Variants in IL16 observed in about 807,000 individuals in gnomAD.
IL16 encodes pro-interleukin-16.
IL16 carries 67 observed loss-of-function variants against 110.1 expected under a neutral mutation model. The observed-to-expected ratio is 0.61, with a 90% CI of 0.50 to 0.75. The LOEUF (loss-of-function observed/expected upper bound fraction) is 0.75. Among genes scored for constraint, IL16 ranks in the 30% least tolerant of loss-of-function variants. The pLI is 0.00. For missense variants in IL16, 1,545 were observed against 1,655.0 expected, an observed-to-expected ratio of 0.93 and a Z score of 1.15; for synonymous variants, 689 against 662.9, an observed-to-expected ratio of 1.04 and a Z score of -0.61.
chr15:81,215,212 G>C (rs1047832357), intron 1 of IL16, among the ~76,000 whole-genome samples: 4 of 152,204 alleles, frequency 2.6e-5, no homozygotes, highest in African/African-American at 9.6e-5. Flanking sequence ...TAAATTGCCA[G>C]AGTTGTAACT....
At chr15:81,306,224 G>T (rs1640134137) in intron 17 of IL16, 58 bp downstream of exon 17, 2 of 1,580,462 alleles carry the variant, frequency 1.3e-6, no homozygotes, top group Non-Finnish European at 8.6e-7. Flanking sequence ...GGCCATTTGG[G>T]GCCAGACCTG....
In IL16 at chr15:81,203,803, G is replaced by A. The variant is rs1369935878; in HGVS notation, c.-102+6651G>A. On this transcript the variant is annotated intron_variant, in intron 1 of 18. Transcript: ENST00000683961. ...TGGCTTAGGATTGACTTGGCAATGC[G>A]GGCTCTTTTTTGGTTCCATATGAAC... is the stretch of plus-strand genomic sequence containing the variant. Among the ~76,000 whole-genome samples the A allele has an allele frequency of 3.9e-5, 6 of 152,186 alleles. No homozygotes were observed. The East Asian group carries it at 7.7e-4, about 20-fold the overall frequency.
intron 1 of IL16, among the ~76,000 whole-genome samples, chr15:81,211,045 T>G (rs975909309): frequency 6.6e-6 from 1 of 151,912 alleles, no homozygotes; most frequent in Non-Finnish European, 1.5e-5. Context: ...AGAGATTTTT[T>G]GGGTTTTTTG....
chr15:81,227,041 C>T (rs1430360938), intron 2 of IL16, among the ~76,000 whole-genome samples: 1 of 151,958 alleles, frequency 6.6e-6, no homozygotes, highest in African/African-American at 2.4e-5. Flanking sequence ...GTCTTTGCCC[C>T]GAAATAACTC....
chr15:81,308,547 G>A, intron 18 of IL16, 58 bp from the exon 19 acceptor site: 1 of 1,334,302 alleles, frequency 7.5e-7, no homozygotes, highest in East Asian at 2.4e-5. Context: ...AAGGAGAGGA[G>A]GCAACTTTCC....
chr15:81,212,251 T>C (rs1896275724), intron 1 of IL16, among the ~76,000 whole-genome samples: 1 of 152,126 alleles, frequency 6.6e-6, no homozygotes, highest in Admixed American at 6.5e-5. Context: ...TCCAGGAATT[T>C]ATCTATTTCC....
At chr15:81,263,516 G>T (rs1442521770) in intron 3 of IL16, among the ~76,000 whole-genome samples, 3 of 152,070 alleles carry the variant, frequency 2.0e-5, no homozygotes, top group Non-Finnish European at 4.4e-5. Context: ...TGAAACAGTG[G>T]GCCGAAGTGG....
chr15:81,298,427 G>C (rs1331629242), intron 13 of IL16, among the ~76,000 whole-genome samples: 3 of 152,172 alleles, frequency 2.0e-5, no homozygotes, highest in African/African-American at 7.2e-5. Context: ...ATGCAGATAT[G>C]ATGCTGGTTC....
chr15:81,194,332 A>G (rs1238454319), upstream of IL16, among the ~76,000 whole-genome samples: 1 of 152,196 alleles, frequency 6.6e-6, no homozygotes, highest in African/African-American at 2.4e-5. Context: ...TTAAGGACAC[A>G]CTTTCTTTTT....
intron 1 of IL16, among the ~76,000 whole-genome samples, chr15:81,185,967 C>T (rs1895413143): frequency 6.6e-6 from 1 of 152,228 alleles, no homozygotes. Context: ...GTTTTTCTTG[C>T]AGCATCTTAA....
intron 2 of IL16, among the ~76,000 whole-genome samples, chr15:81,228,098 C>A (rs761830534): frequency 6.6e-6 from 1 of 152,070 alleles, no homozygotes; most frequent in Non-Finnish European, 1.5e-5. Context: ...AAGGGACATG[C>A]GTCTGCAAAG....
At chr15:81,285,501 A>G (rs1359813810) in intron 9 of IL16, among the ~76,000 whole-genome samples, 197 bp from the exon 10 acceptor site, 1 of 152,186 alleles carries the variant, frequency 6.6e-6, no homozygotes, top group Non-Finnish European at 1.5e-5. Flanking sequence ...TTGTGGTTGT[A>G]CGGTAAGGGG....
chr15:81,256,429 G>A (rs191348578), intron 2 of IL16, among the ~76,000 whole-genome samples: 8 of 151,102 alleles, frequency 5.3e-5, no homozygotes, highest in African/African-American at 2.0e-4. Context: ...TGCCTCCCAG[G>A]TTTATGTGAT....
intron 3 of IL16, among the ~76,000 whole-genome samples, chr15:81,261,293 G>A (rs192048004): frequency 2.5e-4 from 38 of 152,350 alleles, no homozygotes; most frequent in African/African-American, 8.9e-4. Context: ...TGACTGTGCA[G>A]GCCACGTGCC....
At position 81,225,158 on chromosome 15, in the gene IL16, C is replaced by T. The variant is rs187963863; in HGVS notation, c.-101-141C>T. 2.4e-4 allele frequency: 153 copies of T among 640,832 alleles called. No homozygotes were observed. In the African/African-American group the frequency reaches 2.5e-3, roughly 10 times the overall value. 39.7% of individuals were successfully genotyped at this position (640,832 alleles called of 1,614,324 possible). A position where few individuals can be genotyped will look rare whatever the true frequency, so the allele number is the denominator to read the frequency against. ...CCATTTGGCTGGCACACTGGAAGGGCCAGTGATCTTAAAGGATGATCTGCC... is the reference window on the plus strand; with the variant it reads ...CCATTTGGCTGGCACACTGGAAGGGTCAGTGATCTTAAAGGATGATCTGCC... On this transcript the variant is annotated intron_variant, in intron 1 of 18. Coordinates refer to ENST00000683961, the MANE Select transcript of IL16 (RefSeq NM_172217.5).
chr15:81,293,122 A>T (rs1899820220), intron 12 of IL16, 85 bp downstream of exon 12: 3 of 1,423,994 alleles, frequency 2.1e-6, no homozygotes, highest in Non-Finnish European at 2.8e-6. Context: ...TAGTGTTAGC[A>T]GGGCCAGAAT....
chr15:81,206,227 G>T (rs1456953547), intron 1 of IL16, among the ~76,000 whole-genome samples: 1 of 148,024 alleles, frequency 6.8e-6, no homozygotes, highest in Non-Finnish European at 1.5e-5. Flanking sequence ...GTTACATAGG[G>T]TACTTAAACA....
chr15:81,306,377 G>A (rs1900559284), intron 17 of IL16, 43 bp from the exon 18 acceptor site: 1 of 1,608,236 alleles, frequency 6.2e-7, no homozygotes, highest in South Asian at 1.1e-5. Flanking sequence ...CTGTGGCCTG[G>A]GAGAGGAGAG....
intron 13 of IL16, among the ~76,000 whole-genome samples, chr15:81,297,784 C>T (rs1900063304): frequency 6.6e-6 from 1 of 152,054 alleles, no homozygotes; most frequent in South Asian, 2.1e-4. Flanking sequence ...GTGCTAGATG[C>T]TGGGGGGAGA....
Sources: gnomAD v4.1 joint callset for allele counts (sites outside exome capture counted in the v4.1 genomes callset) on GRCh38, gnomAD v4.1.1 for gene constraint, MANE v1.5 for transcripts, NCBI Gene and HGNC (gene_info 2026-07-23, HGNC 2026-07-21) for gene names.